STK11: variants seen among roughly 807,000 people sequenced by gnomAD.
STK11 encodes serine/threonine kinase 11.
STK11 carries 8 observed loss-of-function variants against 47.3 expected under a neutral mutation model. The ratio of observed to expected loss-of-function variants is 0.17; its 90% confidence interval spans 0.10 to 0.31. STK11 has a LOEUF of 0.31. STK11 is among the 10% of genes least tolerant of loss of function. STK11 has a pLI of 1.00. For missense variants in STK11, 475 were observed against 605.0 expected (o/e 0.79, Z 2.25); for synonymous variants, 330 against 255.8 (o/e 1.29, Z -2.77).
chr19:1,223,140 A>G lies in STK11; in HGVS notation c.1076A>G (p.Asp359Gly), dbSNP rs760918973. The change falls in exon 8 of 10, where the codon GAC becomes GGC. Residue 359 changes from aspartate to glycine, a missense_variant. Asp to Gly is a moderately conservative substitution (Grantham distance 94, BLOSUM62 -1). Coordinates refer to ENST00000326873, the MANE Select transcript of STK11 (RefSeq NM_000455.5). ...GAGGACCTCTTCGACATCGAGGATG[A>G]CATCATCTACACTCAGGACTTCACG... The part of the protein sequence containing the change: ...EDEDLFDIED[D>G]IIYTQDFTVP... 1 of 1,611,684 alleles carries G rather than the reference A, an allele frequency of 6.2e-7. No individual in the cohort carries two copies. The highest frequency in any genetic ancestry group is 8.5e-7 in the Non-Finnish European group (1 of 1,179,504).
chr19:1,223,732 G>A (rs917190667), intron 8 of STK11: 29 of 1,041,574 alleles, frequency 2.8e-5, no homozygotes, highest in Non-Finnish European at 2.9e-5. Context: ...CCTCTCGGCC[G>A]GCGCCGCAGT....
chr19:1,227,583 C>T lies in STK11; in HGVS notation c.*17-10C>T, dbSNP rs926599353. ...AGGCTGACCTCTTCCGTCTTCCTTC[C>T]ACCCTGCAGCCCGTGTCCAGGAGCC... On this transcript the variant is annotated splice_polypyrimidine_tract_variant and intron_variant, in intron 9 of 9. Coordinates refer to ENST00000326873, the MANE Select transcript of STK11 (RefSeq NM_000455.5). 1.1e-4 allele frequency: 114 copies of T among 1,064,478 alleles called. No individual in the cohort carries two copies. Among genetic ancestry groups the T allele is most frequent in the Non-Finnish European group, 1.2e-4 (108 of 878,834 alleles). The allele number at this position is 1,064,478 out of a possible 1,614,324, so 65.9% of individuals were successfully genotyped here.
intron 1 of STK11, among the ~76,000 whole-genome samples, chr19:1,213,214 G>A (rs1233802481): frequency 6.7e-6 from 1 of 149,632 alleles, no homozygotes; most frequent in Non-Finnish European, 1.5e-5. Context: ...AGCCAGGATG[G>A]TCTCGATCTC....
At chr19:1,221,748 T>A in intron 6 of STK11, 1 of 639,732 alleles carries the variant, frequency 1.6e-6, no homozygotes, top group South Asian at 1.9e-5. Flanking sequence ...CCTGTCTCCC[T>A]GCCAGCCGCG....
chr19:1,211,656 G>A (rs2080711530), intron 1 of STK11, among the ~76,000 whole-genome samples: 1 of 152,208 alleles, frequency 6.6e-6, no homozygotes, highest in African/African-American at 2.4e-5. Flanking sequence ...GCAAAACACT[G>A]TGCTTTCGTA....
chr19:1,211,206 C>T (rs1220983223), intron 1 of STK11, among the ~76,000 whole-genome samples: 3 of 152,212 alleles, frequency 2.0e-5, no homozygotes, highest in Admixed American at 1.3e-4. Flanking sequence ...ACCTGGGAGG[C>T]GGAGGTTGCG....
chr19:1,225,573 G>C (rs141768872), intron 8 of STK11: 1 of 985,392 alleles, frequency 1.0e-6, no homozygotes, highest in African/African-American at 1.7e-5. Context: ...CCGGCCCAAG[G>C]TGCTTTTTTA....
chr19:1,217,399 C>T lies in STK11; in HGVS notation c.291-1018C>T, dbSNP rs148392461. 5.8e-3 allele frequency among the ~76,000 whole-genome samples: 878 copies of T among 152,198 alleles called. 8 individuals are homozygous for T. Among genetic ancestry groups the T allele is most frequent in the African/African-American group, 0.02 (819 of 41,520 alleles). On this transcript the variant is annotated intron_variant, in intron 1 of 9. Transcript: ENST00000326873. ...ATTTTTAGTAGAGACAGGGTTTCGC[C>T]GTGTTGCTCAGGCTGGTCTCGAACT...
intron 8 of STK11, chr19:1,224,394 T>TG: frequency 1.0e-6 from 1 of 985,208 alleles, no homozygotes; most frequent in Non-Finnish European, 1.2e-6. Flanking sequence ...TGCTGGGAGG[T>TG]GGGGGCCCCT....
rs2080667272 is a variant in STK11, at chr19:1,206,656, C to G, written c.-258C>G. The G allele has an allele frequency of 5.6e-6, 3 of 534,776 alleles. No homozygotes were observed. Among genetic ancestry groups the G allele is most frequent in the Admixed American group, 3.5e-5 (1 of 28,298 alleles). 33.1% of individuals were successfully genotyped at this position (534,776 alleles called of 1,614,324 possible). ...GCCCGGGTCCCACTGGAACTCGCGTCTGAGCCGCCGTCCCGGACCCCCGGT... is the reference window on the plus strand; with the variant it reads ...GCCCGGGTCCCACTGGAACTCGCGTGTGAGCCGCCGTCCCGGACCCCCGGT... On this transcript the variant is annotated 5_prime_UTR_variant, in exon 1 of 10. Transcript: ENST00000326873.
intron 1 of STK11, 128 bp downstream of exon 1, chr19:1,207,331 C>A: frequency 1.6e-6 from 2 of 1,281,126 alleles, no homozygotes; most frequent in Non-Finnish European, 2.1e-6. Context: ...ACCCGTCTGG[C>A]GCCTGTGTCC....
In STK11 at chr19:1,214,615, G is replaced by A. The variant is rs564688505; in HGVS notation, c.291-3802G>A. 7.9e-5 allele frequency among the ~76,000 whole-genome samples: 12 copies of A among 152,288 alleles called. No homozygotes were observed. In the South Asian group the frequency reaches 1.0e-3, roughly 13 times the overall value. On this transcript the variant is annotated intron_variant, in intron 1 of 9. Transcript: ENST00000326873. ...GTCCTCCACCCTCATTTGCTTTTAG[G>A]GCCGTGCAGCCTCCCGAGCGGCCCC...
At chr19:1,210,585 G>T (rs577536934) in intron 1 of STK11, among the ~76,000 whole-genome samples, 59 of 152,230 alleles carry the variant, frequency 3.9e-4, no homozygotes, top group Non-Finnish European at 6.6e-4. Flanking sequence ...GAGTTAAAAA[G>T]AGGGCTGGGC....
At position 1,220,686 on chromosome 19, in the gene STK11, A is replaced by G. The variant is rs2145425438; in HGVS notation, c.703A>G (p.Lys235Glu). ...ANGLDTFSGFKVDIWSAGVTL... is the reference protein window; with the variant it reads ...ANGLDTFSGFEVDIWSAGVTL... Reference sequence around the variant, plus strand: ...CGGCCTGGACACCTTCTCCGGCTTCAAGGTGGACATCTGGTCGGCTGGGGT... The same window carrying G: ...CGGCCTGGACACCTTCTCCGGCTTCGAGGTGGACATCTGGTCGGCTGGGGT... Residue 235 changes from lysine (K) to glutamate (E), a missense_variant, in exon 5 of 10, where the codon AAG becomes GAG. Coordinates refer to ENST00000326873, the MANE Select transcript of STK11 (RefSeq NM_000455.5). The G allele has an allele frequency of 6.2e-7, 1 of 1,610,690 alleles. No homozygotes were observed. Among genetic ancestry groups the G allele is most frequent in the Non-Finnish European group, 8.5e-7 (1 of 1,179,100 alleles).
At position 1,220,375 on chromosome 19, in the gene STK11, A is replaced by G. The variant is rs2145424113; in HGVS notation, c.467A>G (p.Tyr156Cys). The stretch of plus-strand genomic sequence containing the variant: ...GGACGGGTGTGTGCTGCCCGCAGGT[A>G]CTTCTGTCAGCTGATTGACGGCCTG... ...KRFPVCQAHG[Y>C]FCQLIDGLEY... The change falls in exon 4 of 10, where the codon TAC becomes TGC. Residue 156 changes from tyrosine to cysteine, a missense_variant and splice_region_variant. Transcript: ENST00000326873. 6.2e-7 allele frequency: 1 copy of G among 1,600,732 alleles called. No individual in the cohort carries two copies. The highest frequency in any genetic ancestry group is 8.5e-7 in the Non-Finnish European group (1 of 1,174,226).
At chr19:1,225,582 TA>T in intron 8 of STK11, 2 of 985,532 alleles carry the variant, frequency 2.0e-6, no homozygotes, top group Non-Finnish European at 2.4e-6. Context: ...GGTGCTTTTT[TA>T]AAGCTAGTGA....
At chr19:1,222,516 G>A (rs1488659774) in intron 7 of STK11, among the ~76,000 whole-genome samples, 4 of 152,196 alleles carry the variant, frequency 2.6e-5, no homozygotes, top group Non-Finnish European at 5.9e-5. Flanking sequence ...GAGCCCCGAG[G>A]CCACCCACTG....
chr19:1,227,434 G>A (rs949375742), intron 9 of STK11, 159 bp from the exon 10 acceptor site: 3 of 692,828 alleles, frequency 4.3e-6, no homozygotes, highest in African/African-American at 3.8e-5. Flanking sequence ...TGTACCCCGG[G>A]AGTGACTCAA....
rs2080818002 is a variant in STK11, at chr19:1,226,026, C to T, written c.1109-428C>T. Reference sequence around the variant, plus strand: ...TTCGCGTGCCTGGCCTGAGCCTGGCCCGAGCCTGGCCCTCCTGTGTCCTCA... The same window carrying T: ...TTCGCGTGCCTGGCCTGAGCCTGGCTCGAGCCTGGCCCTCCTGTGTCCTCA... On this transcript the variant is annotated intron_variant, in intron 8 of 9. Transcript: ENST00000326873. 4.9e-6 allele frequency: 5 copies of T among 1,015,290 alleles called. No individual in the cohort carries two copies. In the Admixed American group the frequency reaches 2.3e-4, roughly 47 times the overall value. 62.9% of individuals were successfully genotyped at this position (1,015,290 alleles called of 1,614,324 possible). A position where few individuals can be genotyped will look rare whatever the true frequency, so the allele number is the denominator to read the frequency against.
Sources: allele counts gnomAD v4.1 joint callset (sites outside exome capture counted in the v4.1 genomes callset), GRCh38; gene constraint gnomAD v4.1.1; transcripts MANE v1.5; gene names NCBI Gene and HGNC (gene_info 2026-07-23, HGNC 2026-07-21).